The following ST8SIA4 variants were observed in gnomAD, a reference collection of about 807,000 sequenced individuals.
ST8SIA4 encodes CMP-N-acetylneuraminate-poly-alpha-2,8-sialyltransferase.
In ST8SIA4, 15 loss-of-function variants were observed where a neutral mutation model predicts 33.9. That is an observed-to-expected ratio of 0.44 (90% CI 0.30 to 0.68). The LOEUF is 0.68. ST8SIA4 is among the 30% of genes least tolerant of loss of function. The probability of loss-of-function intolerance (pLI) is 0.10; values close to 1 mark genes in which losing one functional copy is unlikely to be tolerated. For synonymous variants in ST8SIA4, 171 were observed against 151.2 expected (o/e 1.13, Z -0.96); for missense variants, 321 against 428.0 (o/e 0.75, Z 2.21).
intron 3 of ST8SIA4, among the ~76,000 whole-genome samples, chr5:100,879,521 C>T (rs886306805): frequency 4.6e-5 from 7 of 151,770 alleles, no homozygotes; most frequent in Admixed American, 2.6e-4. Flanking sequence ...ATAGAGATGA[C>T]GATAGTTTAG....
chr5:100,831,882 G>C (rs1751270582), intron 4 of ST8SIA4, among the ~76,000 whole-genome samples: 1 of 152,116 alleles, frequency 6.6e-6, no homozygotes. Context: ...GGCTGGAAAG[G>C]TGACACAGGA....
chr5:100,836,404 T>C (rs1751362388), intron 4 of ST8SIA4, among the ~76,000 whole-genome samples: 1 of 151,898 alleles, frequency 6.6e-6, no homozygotes, highest in Non-Finnish European at 1.5e-5. Context: ...TACTATTAAT[T>C]TGGCCATGGT....
chr5:100,900,505 G>A (rs1397370221), intron 1 of ST8SIA4: 1 of 456,206 alleles, frequency 2.2e-6, no homozygotes, highest in East Asian at 7.0e-5. Context: ...CGGGTCACAA[G>A]CTTTTCCACG....
chr5:100,814,103 C>A (rs1395327114), intron 4 of ST8SIA4, among the ~76,000 whole-genome samples: 1 of 152,020 alleles, frequency 6.6e-6, no homozygotes, highest in Non-Finnish European at 1.5e-5. Flanking sequence ...AAAGCAATTT[C>A]TACATGCAAT....
chr5:100,868,404 C>T (rs1752123810), intron 3 of ST8SIA4, among the ~76,000 whole-genome samples: 1 of 151,992 alleles, frequency 6.6e-6, no homozygotes, highest in South Asian at 2.1e-4. Context: ...AAAATCTATT[C>T]TATTACTAAT....
intron 2 of ST8SIA4, among the ~76,000 whole-genome samples, chr5:100,889,041 A>T (rs1248413517): frequency 1.3e-5 from 2 of 151,904 alleles, no homozygotes; most frequent in African/African-American, 4.8e-5. Context: ...ATCTTAACAA[A>T]GTCCAGGTTA....
intron 4 of ST8SIA4, among the ~76,000 whole-genome samples, chr5:100,828,258 A>G (rs913013057): frequency 6.6e-6 from 1 of 152,172 alleles, no homozygotes; most frequent in Non-Finnish European, 1.5e-5. Flanking sequence ...TGAGCTGATG[A>G]GTAATAAATT....
rs3776178 is a variant in ST8SIA4 at position 100,902,018 on chromosome 5, G to C, written c.113+825C>G. Reference sequence around the variant, plus strand: ...GATTTCCGAAACAGGACTTTGAATAGAGTTGACAATCAGGTTCACATCCTC... The same window carrying C: ...GATTTCCGAAACAGGACTTTGAATACAGTTGACAATCAGGTTCACATCCTC... On this transcript the variant is annotated intron_variant, in intron 1 of 4. Transcript: ENST00000231461. Among the ~76,000 whole-genome samples, 5 of 152,318 alleles carry C rather than the reference G, an allele frequency of 3.3e-5. No individual in the cohort carries two copies. The East Asian group carries it at 9.6e-4, about 29-fold the overall frequency.
At chr5:100,896,945 G>A (rs1175220174) in intron 1 of ST8SIA4, among the ~76,000 whole-genome samples, 2 of 152,126 alleles carry the variant, frequency 1.3e-5, no homozygotes, top group Admixed American at 1.3e-4. Flanking sequence ...ACTTGCTTGA[G>A]TTCCTAGACT....
At chr5:100,858,998 T>TG (rs1751875902) in intron 3 of ST8SIA4, among the ~76,000 whole-genome samples, 1 of 152,080 alleles carries the variant, frequency 6.6e-6, no homozygotes, top group Non-Finnish European at 1.5e-5. Context: ...AGTAATACAA[T>TG]GTCCACATGT....
At chr5:100,896,268 T>C (rs1034539123) in intron 1 of ST8SIA4, among the ~76,000 whole-genome samples, 4 of 152,076 alleles carry the variant, frequency 2.6e-5, no homozygotes, top group African/African-American at 9.7e-5. Context: ...TATTCAGCCC[T>C]TAAAAAGAGC....
chr5:100,835,444 T>C (rs1751347322), intron 4 of ST8SIA4, among the ~76,000 whole-genome samples: 2 of 152,136 alleles, frequency 1.3e-5, no homozygotes. Flanking sequence ...AAAGTAAATG[T>C]GGCTACTTGA....
intron 3 of ST8SIA4, among the ~76,000 whole-genome samples, chr5:100,858,896 C>T (rs1751874367): frequency 6.6e-6 from 1 of 151,994 alleles, no homozygotes; most frequent in African/African-American, 2.4e-5. Context: ...AGACAGAAGA[C>T]ACTTCATAAA....
intron 3 of ST8SIA4, among the ~76,000 whole-genome samples, chr5:100,872,885 A>C (rs1395270822): frequency 6.6e-6 from 1 of 151,938 alleles, no homozygotes; most frequent in East Asian, 1.9e-4. Flanking sequence ...TAAAAAAAAA[A>C]AAAAAAAAAA....
At chr5:100,868,640 T>G (rs753993314) in intron 3 of ST8SIA4, among the ~76,000 whole-genome samples, 1 of 152,072 alleles carries the variant, frequency 6.6e-6, no homozygotes, top group South Asian at 2.1e-4. Flanking sequence ...GTTTTATACA[T>G]CCTATTGCAT....
intron 4 of ST8SIA4, among the ~76,000 whole-genome samples, chr5:100,823,928 A>G (rs1011051313): frequency 3.3e-4 from 51 of 152,384 alleles, no homozygotes; most frequent in African/African-American, 1.2e-3. Flanking sequence ...GAATAAGAAT[A>G]TAAGTTGATA....
At chr5:100,813,332 T>C (rs1028574273) in intron 4 of ST8SIA4, among the ~76,000 whole-genome samples, 9 of 152,006 alleles carry the variant, frequency 5.9e-5, no homozygotes, top group Admixed American at 5.9e-4. Context: ...AATTCTATAT[T>C]TTGTCTTTCA....
intron 3 of ST8SIA4, among the ~76,000 whole-genome samples, chr5:100,867,061 T>C (rs1752082190): frequency 1.3e-5 from 2 of 152,120 alleles, no homozygotes; most frequent in South Asian, 4.1e-4. Context: ...AGTCAACTAA[T>C]AGATATTTGA....
chr5:100,823,939 G>C (rs553343913), intron 4 of ST8SIA4, among the ~76,000 whole-genome samples: 3 of 152,324 alleles, frequency 2.0e-5, no homozygotes, highest in Admixed American at 6.5e-5. Flanking sequence ...TAAGTTGATA[G>C]AGATAATTAA....
Sources: gnomAD v4.1 joint callset for allele counts (sites outside exome capture counted in the v4.1 genomes callset) on GRCh38, gnomAD v4.1.1 for gene constraint, MANE v1.5 for transcripts, NCBI Gene and HGNC (gene_info 2026-07-23, HGNC 2026-07-21) for gene names.